Variants in DOCK10 observed in about 807,000 individuals in gnomAD.
The protein encoded by DOCK10 is dedicator of cytokinesis 10, also known as dedicator of cytokinesis protein 10.
Under a neutral mutation model 280.1 loss-of-function variants are expected in DOCK10, and 145 were observed. The ratio of observed to expected loss-of-function variants is 0.52; its 90% CI spans 0.45 to 0.59. The LOEUF is 0.59. DOCK10 is among the 20% of genes least tolerant of loss of function. The pLI, the probability that DOCK10 is intolerant of heterozygous loss-of-function variation, is 0.00. For missense variants in DOCK10, 2,368 were observed against 2,651.7 expected (o/e 0.89, Z 2.35); for synonymous variants, 915 against 942.2 (o/e 0.97, Z 0.53).
chr2:224,906,508 GGCTGGAGTGCAGTGT>G (rs371754976), intron 3 of DOCK10, among the ~76,000 whole-genome samples: 232 of 152,148 alleles, frequency 1.5e-3, no homozygotes, highest in African/African-American at 4.7e-3. Context: ...CTGTCTCCCA[GGCTGGAGTGCAGTGT>G]GCTGGAGTGC....
chr2:225,038,085 A>G (rs1215407428), intron 1 of DOCK10, among the ~76,000 whole-genome samples: 1 of 152,230 alleles, frequency 6.6e-6, no homozygotes, highest in Non-Finnish European at 1.5e-5. Context: ...AACAACAAAC[A>G]ACAAAACAAA....
intron 3 of DOCK10, among the ~76,000 whole-genome samples, chr2:224,904,536 C>T (rs114458060): frequency 1.3e-5 from 2 of 152,278 alleles, no homozygotes; most frequent in African/African-American, 4.8e-5. Flanking sequence ...GGATGAGAAA[C>T]TCCACACTAA....
intron 1 of DOCK10, among the ~76,000 whole-genome samples, chr2:225,041,089 G>A (rs930450240): frequency 1.3e-5 from 2 of 152,096 alleles, no homozygotes; most frequent in African/African-American, 4.8e-5. Context: ...TCTTCCCTCT[G>A]CCAGGCAATT....
chr2:224,828,441 A>G (rs1403550636), intron 27 of DOCK10, among the ~76,000 whole-genome samples: 2 of 152,172 alleles, frequency 1.3e-5, no homozygotes, highest in Non-Finnish European at 2.9e-5. Flanking sequence ...CAGAGGATAG[A>G]GGAAAAAATA....
Position 225,025,382 on chromosome 2 carries a change from A to T in DOCK10, c.123+16870T>A, listed in dbSNP as rs1028404259. 3.0e-4 allele frequency among the ~76,000 whole-genome samples: 45 copies of T among 152,328 alleles called. 2 individuals are homozygous for T. Among genetic ancestry groups the T allele is most frequent in the East Asian group, 2.1e-3 (11 of 5,192 alleles). On this transcript the variant is annotated intron_variant, in intron 1 of 55. Coordinates refer to ENST00000258390, the MANE Select transcript of DOCK10 (RefSeq NM_014689.3). ...CAAGGTGTTCCATGCTAGCAATGGG[A>T]CATTTTAATATGTCTCCATATTTCC... is the stretch of plus-strand genomic sequence containing the variant.
Position 224,805,572 on chromosome 2 carries a change from TGGGC to T in DOCK10, c.3815-47_3815-44del, listed in dbSNP as rs1693347365. 1.2e-6 allele frequency: 2 copies of T among 1,608,440 alleles called. No homozygotes were observed. Among genetic ancestry groups the T allele is most frequent in the Middle Eastern group, 1.7e-4 (1 of 5,796 alleles). On this transcript the variant is annotated intron_variant, in intron 34 of 55. Coordinates refer to ENST00000258390, the MANE Select transcript of DOCK10 (RefSeq NM_014689.3). The surrounding 1 kb of genome is among the most constrained non-coding windows in gnomAD (Gnocchi z 4.3). ...AGCACACGTATGGGAATGAGATGTATGGGCACACACACACAAAAGGTTCACATGA... is the reference window on the plus strand; with the variant it reads ...AGCACACGTATGGGAATGAGATGTATACACACACACAAAAGGTTCACATGA...
At chr2:224,774,237 C>T (rs1297474727) in intron 52 of DOCK10, among the ~76,000 whole-genome samples, 3 of 152,158 alleles carry the variant, frequency 2.0e-5, no homozygotes, top group Non-Finnish European at 2.9e-5. Flanking sequence ...TGCAGCCAGC[C>T]TTAGGAGCCC....
In DOCK10 at chr2:224,793,537, A is replaced by C. The variant is rs1184720057; in HGVS notation, c.5155-80T>G. 1.0e-5 allele frequency: 11 copies of C among 1,096,816 alleles called. No homozygotes were observed. The South Asian group carries it at 1.5e-4, about 15-fold the overall frequency. The allele number at this position is 1,096,816 out of a possible 1,614,324, so 67.9% of individuals were successfully genotyped here. Reference sequence around the variant, plus strand: ...GGCTAATCTTCCAAGGCGAGTCAGTATTCCATATCAGAATATGTTAGAAGG... The same window carrying C: ...GGCTAATCTTCCAAGGCGAGTCAGTCTTCCATATCAGAATATGTTAGAAGG... On this transcript the variant is annotated intron_variant, in intron 45 of 55. Coordinates refer to ENST00000258390, the MANE Select transcript of DOCK10 (RefSeq NM_014689.3).
chr2:224,797,520 T>C (rs1692665075), intron 42 of DOCK10, among the ~76,000 whole-genome samples: 1 of 152,150 alleles, frequency 6.6e-6, no homozygotes, highest in African/African-American at 2.4e-5. Context: ...AATCTTTAAC[T>C]TGATATGCAC....
chr2:224,985,198 G>T (rs914341453), intron 1 of DOCK10, among the ~76,000 whole-genome samples: 1 of 151,762 alleles, frequency 6.6e-6, no homozygotes, highest in African/African-American at 2.4e-5. Context: ...CCCCTAGTAG[G>T]GTCTTATCTT....
intron 27 of DOCK10, 109 bp from the exon 28 acceptor site, chr2:224,823,756 A>T: frequency 4.7e-6 from 5 of 1,069,278 alleles, no homozygotes; most frequent in Non-Finnish European, 6.4e-6. Flanking sequence ...AAGAAAAAGA[A>T]TCCTTTTGAA....
intron 1 of DOCK10, among the ~76,000 whole-genome samples, chr2:225,034,398 G>A (rs1690166222): frequency 6.6e-6 from 1 of 152,200 alleles, no homozygotes; most frequent in Non-Finnish European, 1.5e-5. Flanking sequence ...AGAAGAGATT[G>A]CACAAGTATA....
chr2:224,907,602 G>A (rs962415693), intron 3 of DOCK10, among the ~76,000 whole-genome samples: 3 of 151,442 alleles, frequency 2.0e-5, no homozygotes. Flanking sequence ...GCAGGAGAAT[G>A]GTGTGAACCA....
At position 224,862,763 on chromosome 2, in the gene DOCK10, T is replaced by C. The variant is rs1697597215; in HGVS notation, c.1603-17A>G. Reference sequence around the variant, plus strand: ...TTGTGCATACTAAAGAAAAAATAAATACAAATATTGTTTAGAATAGCACTT... The same window carrying C: ...TTGTGCATACTAAAGAAAAAATAAACACAAATATTGTTTAGAATAGCACTT... On this transcript the variant is annotated splice_polypyrimidine_tract_variant and intron_variant, in intron 13 of 55. Coordinates refer to ENST00000258390, the MANE Select transcript of DOCK10 (RefSeq NM_014689.3). 1 of 1,509,470 alleles carries C rather than the reference T, an allele frequency of 6.6e-7. No individual in the cohort carries two copies. The highest frequency in any genetic ancestry group is 9.1e-7 in the Non-Finnish European group (1 of 1,097,458). 93.5% of individuals were successfully genotyped at this position (1,509,470 alleles called of 1,614,324 possible). A position where few individuals can be genotyped will look rare whatever the true frequency, so the allele number is the denominator to read the frequency against.
At chr2:224,831,205 G>C (rs1362887842) in intron 26 of DOCK10, among the ~76,000 whole-genome samples, 4 of 152,112 alleles carry the variant, frequency 2.6e-5, no homozygotes, top group Non-Finnish European at 5.9e-5. Context: ...AAAGTCCTGG[G>C]ATTACAGTTG....
chr2:225,002,170 G>A (rs1055335611), intron 1 of DOCK10, among the ~76,000 whole-genome samples: 1 of 152,118 alleles, frequency 6.6e-6, no homozygotes, highest in Non-Finnish European at 1.5e-5. Context: ...TGTGGCTCAC[G>A]AAGGCATCTG....
intron 1 of DOCK10, among the ~76,000 whole-genome samples, chr2:225,015,388 T>G (rs1361220988): frequency 6.6e-6 from 1 of 152,182 alleles, no homozygotes; most frequent in African/African-American, 2.4e-5. Context: ...TTTTCCAGAT[T>G]GCTTTATTAT....
Position 224,918,408 on chromosome 2 carries a change from AGT to A in DOCK10, c.244-1626_244-1625del, listed in dbSNP as rs372632097. Among the ~76,000 whole-genome samples, 152 of 143,718 alleles carry A rather than the reference AGT, an allele frequency of 1.1e-3. 1 individual carries two copies. The highest frequency in any genetic ancestry group is 3.7e-3 in the African/African-American group (142 of 38,044). 94.3% of individuals were successfully genotyped at this position (143,718 alleles called of 152,430 possible). A position where few individuals can be genotyped will look rare whatever the true frequency, so the allele number is the denominator to read the frequency against. On this transcript the variant is annotated intron_variant, in intron 2 of 55. Coordinates refer to ENST00000258390, the MANE Select transcript of DOCK10 (RefSeq NM_014689.3). ...AGTGTGTGGAGTGTGTGTGCATGAG[AGT>A]GTGTTGCATTTGAGTGCGTGTGTTC...
intron 1 of DOCK10, among the ~76,000 whole-genome samples, chr2:225,029,863 G>T (rs984040573): frequency 3.9e-5 from 6 of 152,088 alleles, no homozygotes; most frequent in Admixed American, 1.3e-4. Context: ...CAGATGTAAG[G>T]CCAGGAGAGG....
Sources: allele counts gnomAD v4.1 joint callset (sites outside exome capture counted in the v4.1 genomes callset), GRCh38; gene constraint gnomAD v4.1.1; non-coding constraint Gnocchi (gnomAD v3.1); transcripts MANE v1.5; gene names NCBI Gene and HGNC (gene_info 2026-07-23, HGNC 2026-07-21).